The following GOLGA3 variants were observed in gnomAD, a reference collection of about 807,000 sequenced individuals.
The protein encoded by GOLGA3 is golgin subfamily A member 3.
GOLGA3 carries 75 observed loss-of-function variants against 169.4 expected under a neutral mutation model. The ratio of observed to expected loss-of-function variants is 0.44; its 90% CI spans 0.37 to 0.54. The LOEUF is 0.54. GOLGA3 is among the 20% of genes least tolerant of loss of function. GOLGA3 has a pLI of 0.00. For synonymous variants in GOLGA3, 824 were observed against 822.4 expected, an observed-to-expected ratio of 1.00 and a Z score of -0.03; for missense variants, 1,899 against 1,930.0, an observed-to-expected ratio of 0.98 and a Z score of 0.30.
rs186095958 is a variant in GOLGA3, at chr12:132,772,459, G to C, written c.*646C>G. The C allele has an allele frequency of 2.1e-5, 3 of 144,730 alleles. No individual in the cohort carries two copies. Among genetic ancestry groups the C allele is most frequent in the African/African-American group, 7.7e-5 (3 of 38,972 alleles). 9.0% of individuals were successfully genotyped at this position (144,730 alleles called of 1,614,324 possible). ...CTCGAGAGGCTGAGGCAGGAGAATC[G>C]CATGAACCTGGGAGGCGGAGCTTGC... On this transcript the variant is annotated 3_prime_UTR_variant, in exon 24 of 24. Transcript: ENST00000450791.
At chr12:132,809,100 G>A (rs1222969592) in intron 4 of GOLGA3, among the ~76,000 whole-genome samples, 4 of 152,224 alleles carry the variant, frequency 2.6e-5, no homozygotes, top group Non-Finnish European at 2.9e-5. Context: ...CGTGGGTCAC[G>A]TGTCCACTGG....
chr12:132,797,633 A>C (rs1336730320), intron 9 of GOLGA3, among the ~76,000 whole-genome samples: 3 of 152,016 alleles, frequency 2.0e-5, no homozygotes, highest in African/African-American at 7.2e-5. Context: ...AATTGCTTGA[A>C]CTTGGTAGGC....
chr12:132,796,645 A>G lies in GOLGA3; in HGVS notation c.1994T>C (p.Met665Thr), dbSNP rs559973337. The G allele has an allele frequency of 3.6e-5, 58 of 1,613,918 alleles. No homozygotes were observed. The highest frequency in any genetic ancestry group is 4.2e-5 in the Non-Finnish European group (50 of 1,179,916). Residue 665 changes from methionine (M) to threonine (T), a missense_variant, in exon 10 of 24, where the codon ATG becomes ACG. Transcript: ENST00000450791. Reference sequence around the variant, plus strand: ...CCTCCTCTGAAGGTCCTCCTCCACCATCGTCTTTGCCTCCTGAATCTGCAT... The same window carrying G: ...CCTCCTCTGAAGGTCCTCCTCCACCGTCGTCTTTGCCTCCTGAATCTGCAT... ...AFMQIQEAKT[M>T]VEEDLQRRLE...
At chr12:132,821,933 C>T (rs1316492557) in intron 2 of GOLGA3, 63 bp downstream of exon 2, 12 of 1,062,012 alleles carry the variant, frequency 1.1e-5, no homozygotes, top group East Asian at 4.9e-5. Flanking sequence ...TCCCTCAACA[C>T]CACGTCCTCC....
At position 132,791,341 on chromosome 12, in the gene GOLGA3, G is replaced by C. The variant is rs1377114920; in HGVS notation, c.2470-48C>G. ...CATTACACTGACGGCTCCAGGAGGG[G>C]AATCTGTCTGCACAGATGTTACACT... is the stretch of plus-strand genomic sequence containing the variant. On this transcript the variant is annotated intron_variant, in intron 11 of 23. Coordinates refer to ENST00000450791, the MANE Select transcript of GOLGA3 (RefSeq NM_001389683.1). 3.9e-6 allele frequency: 4 copies of C among 1,037,874 alleles called. No individual in the cohort carries two copies. The African/African-American group carries it at 6.3e-5, about 16-fold the overall frequency. The allele number at this position is 1,037,874 out of a possible 1,614,324, so 64.3% of individuals were successfully genotyped here. A position where few individuals can be genotyped will look rare whatever the true frequency, so the allele number is the denominator to read the frequency against.
chr12:132,800,956 C>T (rs1413240678), intron 8 of GOLGA3, among the ~76,000 whole-genome samples: 1 of 151,980 alleles, frequency 6.6e-6, no homozygotes. Flanking sequence ...GAGACACAGT[C>T]TCAAAAAAAA....
intron 6 of GOLGA3, 109 bp downstream of exon 6, chr12:132,807,068 T>C (rs1202584462): frequency 1.6e-5 from 10 of 623,924 alleles, no homozygotes; most frequent in Non-Finnish European, 2.9e-5. Flanking sequence ...CCACACATGC[T>C]GCGGCGGCTG....
chr12:132,796,810 C>A, intron 9 of GOLGA3, 110 bp from the exon 10 acceptor site: 5 of 1,077,464 alleles, frequency 4.6e-6, no homozygotes, highest in Non-Finnish European at 6.8e-6. Flanking sequence ...GGGCCCCATC[C>A]ACCTCCTCAT....
Position 132,782,357 on chromosome 12 carries a change from T to C in GOLGA3, c.3404A>G (p.Asn1135Ser), listed in dbSNP as rs747328283. Residue 1135 changes from asparagine (N) to serine (S), a missense_variant, in exon 17 of 24, where the codon AAC (asparagine) becomes AGC (serine). By Grantham distance (46) the Asn-to-Ser change is conservative (BLOSUM62 1). Coordinates refer to ENST00000450791, the MANE Select transcript of GOLGA3 (RefSeq NM_001389683.1). ...GQSNAALREH[N>S]SILETALAKR... Reference sequence around the variant, plus strand: ...GGCCAAAGCTGTTTCTAGGATGCTGTTGTGTTCCCGCAGAGCTGCGTTGGA... The same window carrying C: ...GGCCAAAGCTGTTTCTAGGATGCTGCTGTGTTCCCGCAGAGCTGCGTTGGA... 16 of 1,614,104 alleles carry C rather than the reference T, an allele frequency of 9.9e-6. No homozygotes were observed. The East Asian group carries it at 2.4e-4, about 25-fold the overall frequency.
At position 132,775,280 on chromosome 12, in the gene GOLGA3, G is replaced by A. The variant is rs1162339021; in HGVS notation, c.4004C>T (p.Ala1335Val). The A allele has an allele frequency of 7.4e-6, 12 of 1,611,682 alleles. No homozygotes were observed. Among genetic ancestry groups the A allele is most frequent in the Non-Finnish European group, 1.0e-5 (12 of 1,179,098 alleles). ...CTGGGTCATGGACAGGTCTTCCTGG[G>A]CCATCTCCAACTCAGACTTGACGTT... Reference protein sequence around the residue: ...LQNVKSELEMAQEDLSMTQKD... With the variant: ...LQNVKSELEMVQEDLSMTQKD... Residue 1335 changes from alanine to valine, a missense_variant, in exon 22 of 24, where the codon GCC becomes GTC. Transcript: ENST00000450791.
chr12:132,788,961 C>CGCCCCAG, intron 13 of GOLGA3, 66 bp downstream of exon 13: 6 of 1,462,206 alleles, frequency 4.1e-6, no homozygotes, highest in South Asian at 1.3e-5. Context: ...ACACAGGCCC[C>CGCCCCAG]ACCCTCCCGA....
At chr12:132,811,440 C>A (rs1378710000) in intron 4 of GOLGA3, among the ~76,000 whole-genome samples, 3 of 152,078 alleles carry the variant, frequency 2.0e-5, no homozygotes, top group Admixed American at 6.6e-5. Flanking sequence ...ACTAATCTTA[C>A]AACTGCTAGG....
At chr12:132,800,065 T>C (rs1192223327) in intron 8 of GOLGA3, among the ~76,000 whole-genome samples, 1 of 152,180 alleles carries the variant, frequency 6.6e-6, no homozygotes, top group Non-Finnish European at 1.5e-5. Context: ...AAAATACACC[T>C]GGCTTGGCCT....
chr12:132,806,980 C>T (rs1037478520), intron 6 of GOLGA3, among the ~76,000 whole-genome samples, 197 bp downstream of exon 6: 2 of 151,974 alleles, frequency 1.3e-5, no homozygotes, highest in Non-Finnish European at 2.9e-5. Flanking sequence ...CGCCCATGCA[C>T]GATGAGGCAG....
Position 132,789,090 on chromosome 12 carries a change from C to T in GOLGA3, c.2748G>A (p.Ala916=), listed in dbSNP as rs777148850. Residue 916 remains alanine (A), a synonymous_variant, in exon 13 of 24, where the codon GCG becomes GCA. Transcript: ENST00000450791. ...REVAQVRQHM[A]DLEGHLQSAQ... ...CCGACTGGAGATGCCCTTCAAGGTC[C>T]GCCATGTGCTGACGGACCTGGGCCA... is the stretch of plus-strand genomic sequence containing the variant. 29 of 1,611,858 alleles carry T rather than the reference C, an allele frequency of 1.8e-5. No homozygotes were observed. Among genetic ancestry groups the T allele is most frequent in the Admixed American group, 3.3e-5 (2 of 59,730 alleles).
At chr12:132,814,232 C>T (rs1399888853) in intron 3 of GOLGA3, among the ~76,000 whole-genome samples, 2 of 151,768 alleles carry the variant, frequency 1.3e-5, no homozygotes, top group Non-Finnish European at 1.5e-5. Context: ...CCATGTTGGT[C>T]AGGCTGGTCT....
chr12:132,805,618 C>G (rs541907099), intron 6 of GOLGA3, among the ~76,000 whole-genome samples: 24 of 150,102 alleles, frequency 1.6e-4, no homozygotes, highest in South Asian at 1.5e-3. Flanking sequence ...CAAGGCCTGA[C>G]AGAGGACCCC....
Position 132,807,677 on chromosome 12 carries a change from G to A in GOLGA3, c.1178+214C>T, listed in dbSNP as rs533619299. On this transcript the variant is annotated intron_variant, in intron 5 of 23. Transcript: ENST00000450791. ...GGATAGAATCAGGAAGAAAAGCTGT[G>A]TATCACCTGTTCCAGTGCGGAGAGC... 1.8e-3 allele frequency among the ~76,000 whole-genome samples: 272 copies of A among 152,292 alleles called. 2 individuals carry two copies. The highest frequency in any genetic ancestry group is 6.1e-3 in the African/African-American group (254 of 41,556).
chr12:132,820,665 G>A (rs1950166159), intron 2 of GOLGA3, among the ~76,000 whole-genome samples: 1 of 152,158 alleles, frequency 6.6e-6, no homozygotes, highest in Admixed American at 6.6e-5. Context: ...TGAGAACTGA[G>A]TGAATAACTA....
Sources: allele counts gnomAD v4.1 joint callset (sites outside exome capture counted in the v4.1 genomes callset), GRCh38; gene constraint gnomAD v4.1.1; transcripts MANE v1.5; gene names NCBI Gene and HGNC (gene_info 2026-07-23, HGNC 2026-07-21).